Variants in NEGR1 observed in about 807,000 individuals in gnomAD.
NEGR1 encodes the protein IgLON family member 4.
Under a neutral mutation model 40.9 loss-of-function variants are expected in NEGR1, and 10 were observed. The observed-to-expected ratio is 0.24, with a 90% CI of 0.15 to 0.42. The LOEUF (loss-of-function observed/expected upper bound fraction) is 0.42. Ranked by LOEUF, NEGR1 falls within the 10% of genes least tolerant of loss-of-function variation. The pLI is 1.00. For missense variants in NEGR1, 352 were observed against 438.9 expected, an observed-to-expected ratio of 0.80 and a Z score of 1.77; for synonymous variants, 185 against 166.8, an observed-to-expected ratio of 1.11 and a Z score of -0.84.
intron 3 of NEGR1, among the ~76,000 whole-genome samples, chr1:71,718,970 C>CA (rs1343777718): frequency 6.6e-6 from 1 of 151,914 alleles, no homozygotes; most frequent in African/African-American, 2.4e-5. Flanking sequence ...CTGTTGTGAG[C>CA]AAAAAAAGTA....
chr1:71,988,905 C>G (rs1410356704), intron 1 of NEGR1, among the ~76,000 whole-genome samples: 1 of 119,536 alleles, frequency 8.4e-6, no homozygotes, highest in Non-Finnish European at 1.6e-5. Context: ...AGGCAATGAG[C>G]TCTATCATAT....
chr1:71,977,815 G>A (rs1432981365), intron 1 of NEGR1, among the ~76,000 whole-genome samples: 7 of 125,336 alleles, frequency 5.6e-5, no homozygotes, highest in East Asian at 4.2e-4. Context: ...AGACTAAAGC[G>A]CAAAACAAAA....
chr1:72,087,751 CTTT>C (rs1194408394), intron 1 of NEGR1, among the ~76,000 whole-genome samples: 4 of 95,062 alleles, frequency 4.2e-5, no homozygotes, highest in African/African-American at 8.1e-5. Flanking sequence ...TGCCACTGTG[CTTT>C]TTTTTTTTTT....
At chr1:71,489,379 G>A (rs1172641125) in intron 6 of NEGR1, among the ~76,000 whole-genome samples, 5 of 151,764 alleles carry the variant, frequency 3.3e-5, no homozygotes, top group African/African-American at 1.2e-4. Flanking sequence ...CCATTCTTAG[G>A]CTGCTTCACC....
At chr1:71,949,333 C>T (rs1646048551) in intron 1 of NEGR1, among the ~76,000 whole-genome samples, 1 of 152,096 alleles carries the variant, frequency 6.6e-6, no homozygotes, top group African/African-American at 2.4e-5. Flanking sequence ...AAGGTTTGCA[C>T]TGCCCTAGCA....
chr1:72,240,130 T>C (rs996777073), intron 1 of NEGR1, among the ~76,000 whole-genome samples: 4 of 151,828 alleles, frequency 2.6e-5, no homozygotes, highest in African/African-American at 9.7e-5. Context: ...AGTGGAATAA[T>C]GGTGACATCG....
At chr1:72,154,870 A>G (rs953130075) in intron 1 of NEGR1, among the ~76,000 whole-genome samples, 10 of 152,036 alleles carry the variant, frequency 6.6e-5, no homozygotes, top group African/African-American at 2.4e-4. Context: ...AACAGGGTAG[A>G]TAAAAGATGA....
At chr1:71,831,656 A>C (rs919212308) in intron 2 of NEGR1, among the ~76,000 whole-genome samples, 5 of 151,962 alleles carry the variant, frequency 3.3e-5, no homozygotes, top group Non-Finnish European at 7.4e-5. Flanking sequence ...AGTTGCTGTG[A>C]CATACTATTA....
chr1:71,831,795 G>C (rs955866386), intron 2 of NEGR1, among the ~76,000 whole-genome samples: 1 of 91,820 alleles, frequency 1.1e-5, no homozygotes, highest in Admixed American at 1.3e-4. Context: ...ATTTTGGGCT[G>C]AGACAAAAAG....
intron 1 of NEGR1, among the ~76,000 whole-genome samples, chr1:72,179,812 G>A (rs1423485383): frequency 6.6e-6 from 1 of 151,366 alleles, no homozygotes; most frequent in Non-Finnish European, 1.5e-5. Context: ...AAAACCCTAG[G>A]AATAAATTTA....
At chr1:71,964,255 T>C (rs547526061) in intron 1 of NEGR1, among the ~76,000 whole-genome samples, 4 of 152,222 alleles carry the variant, frequency 2.6e-5, no homozygotes, top group South Asian at 4.1e-4. Flanking sequence ...AAAACCCTTC[T>C]CCAATCTGGG....
intron 2 of NEGR1, among the ~76,000 whole-genome samples, chr1:71,926,629 T>C (rs1246652018): frequency 7.1e-6 from 1 of 140,838 alleles, no homozygotes; most frequent in Non-Finnish European, 1.5e-5. Context: ...AAGCCGACAA[T>C]GTGTGGTGGC....
At chr1:71,958,805 A>G (rs1646138857) in intron 1 of NEGR1, among the ~76,000 whole-genome samples, 1 of 152,052 alleles carries the variant, frequency 6.6e-6, no homozygotes. Flanking sequence ...TACAAAAAAA[A>G]TGAGCTGGGC....
chr1:71,970,608 T>A (rs925608163), intron 1 of NEGR1, among the ~76,000 whole-genome samples: 1 of 151,928 alleles, frequency 6.6e-6, no homozygotes, highest in Non-Finnish European at 1.5e-5. Flanking sequence ...GGGAGTAGAA[T>A]CACTTGAACC....
intron 1 of NEGR1, among the ~76,000 whole-genome samples, chr1:72,142,340 C>T (rs1188343620): frequency 6.6e-6 from 1 of 151,822 alleles, no homozygotes; most frequent in Non-Finnish European, 1.5e-5. Flanking sequence ...TGAGATTGAT[C>T]TTTCACATAA....
intron 1 of NEGR1, among the ~76,000 whole-genome samples, chr1:72,123,151 A>G (rs1172305465): frequency 1.3e-5 from 2 of 151,930 alleles, no homozygotes; most frequent in Non-Finnish European, 2.9e-5. Flanking sequence ...CAGATCTTCT[A>G]TTTTAATTGT....
intron 4 of NEGR1, among the ~76,000 whole-genome samples, chr1:71,651,483 G>T (rs1178190324): frequency 6.6e-6 from 1 of 152,136 alleles, no homozygotes; most frequent in Non-Finnish European, 1.5e-5. Flanking sequence ...ACTGCTCATT[G>T]CATGTGCCCA....
At chr1:71,984,070 C>A (rs1557468378) in intron 1 of NEGR1, among the ~76,000 whole-genome samples, 1 of 145,856 alleles carries the variant, frequency 6.9e-6, no homozygotes, top group Non-Finnish European at 1.5e-5. Flanking sequence ...AGCTAGCCCC[C>A]AGTAAAAGGA....
At chr1:71,570,001 C>G (rs1232755573) in intron 6 of NEGR1, among the ~76,000 whole-genome samples, 1 of 152,056 alleles carries the variant, frequency 6.6e-6, no homozygotes, top group Non-Finnish European at 1.5e-5. Flanking sequence ...TTGCCACTAA[C>G]TAGTTTTATG....
Sources: gnomAD v4.1 joint callset for allele counts (sites outside exome capture counted in the v4.1 genomes callset) on GRCh38, gnomAD v4.1.1 for gene constraint, MANE v1.5 for transcripts, NCBI Gene and HGNC (gene_info 2026-07-23, HGNC 2026-07-21) for gene names.